The following ITGA3 variants were observed in gnomAD, a reference collection of about 807,000 sequenced individuals.
The protein encoded by ITGA3 is integrin subunit alpha 3.
A neutral mutation model predicts 131.1 loss-of-function variants in ITGA3; 70 were observed. The ratio of observed to expected loss-of-function variants is 0.53; its 90% confidence interval spans 0.44 to 0.65. The LOEUF (loss-of-function observed/expected upper bound fraction) is 0.65, where lower values mean the gene tolerates loss of function less well. Ranked by LOEUF, ITGA3 falls within the 30% of genes least tolerant of loss-of-function variation. The probability of loss-of-function intolerance (pLI) is 0.00; values close to 1 mark genes in which losing one functional copy is unlikely to be tolerated. For synonymous variants in ITGA3, 537 were observed against 571.6 expected (o/e 0.94, Z 0.86); for missense variants, 1,098 against 1,388.6 (o/e 0.79, Z 3.33).
At chr17:50,084,285 G>A (rs887160600) in intron 23 of ITGA3, among the ~76,000 whole-genome samples, 22 of 150,568 alleles carry the variant, frequency 1.5e-4, no homozygotes, top group South Asian at 2.1e-4. Context: ...CTGATGAGGT[G>A]GAGAGAAATG....
Position 50,089,101 on chromosome 17 carries a change from C to A in ITGA3, c.*32-9C>A. Reference sequence around the variant, plus strand: ...GCTAATGTTCTTTCTCTTCTCCCTCCAACTCCAGTGTGACTTCTTTAAGCG... The same window carrying A: ...GCTAATGTTCTTTCTCTTCTCCCTCAAACTCCAGTGTGACTTCTTTAAGCG... On this transcript the variant is annotated splice_polypyrimidine_tract_variant and intron_variant, in intron 25 of 25. Coordinates refer to ENST00000320031, the MANE Select transcript of ITGA3 (RefSeq NM_002204.4). 1 of 1,609,872 alleles carries A rather than the reference C, an allele frequency of 6.2e-7. No individual in the cohort carries two copies. Among genetic ancestry groups the A allele is most frequent in the Non-Finnish European group, 8.5e-7 (1 of 1,176,806 alleles).
At chr17:50,058,599 G>T (rs1907937379) in intron 1 of ITGA3, among the ~76,000 whole-genome samples, 1 of 152,220 alleles carries the variant, frequency 6.6e-6, no homozygotes, top group African/African-American at 2.4e-5. Flanking sequence ...AGCCCAGAAG[G>T]TTCTAAAGCT....
intron 22 of ITGA3, 119 bp downstream of exon 22, chr17:50,080,494 G>GTT: frequency 1.7e-6 from 1 of 604,380 alleles, no homozygotes; most frequent in Admixed American, 2.8e-5. Flanking sequence ...GTGTGTGTGT[G>GTT]TGTGTGTGTG....
Position 50,078,871 on chromosome 17 carries a change from A to G in ITGA3, c.2345A>G (p.Glu782Gly), listed in dbSNP as rs1361472135. 2 of 1,613,554 alleles carry G rather than the reference A, an allele frequency of 1.2e-6. No homozygotes were observed. Among genetic ancestry groups the G allele is most frequent in the African/African-American group, 2.7e-5 (2 of 74,892 alleles). ...QSFFGGTVMG[E>G]SGMKTVEDVG... ...TTCTTTGGGGGGACAGTGATGGGTG[A>G]GTCTGGCATGAAAACTGTGGAGGAT... is the stretch of plus-strand genomic sequence containing the variant. Residue 782 changes from glutamate to glycine, a missense_variant, in exon 19 of 26, where the codon GAG becomes GGG. This residue lies in a region of ITGA3 where 699 missense variants were observed against 829.2 expected (regional missense o/e 0.84). Coordinates refer to ENST00000320031, the MANE Select transcript of ITGA3 (RefSeq NM_002204.4).
Position 50,067,190 on chromosome 17 carries a change from T to C in ITGA3, c.415-866T>C, listed in dbSNP as rs1251520809. Among the ~76,000 whole-genome samples, 16 of 152,152 alleles carry C rather than the reference T, an allele frequency of 1.1e-4. No individual in the cohort carries two copies. In the East Asian group the frequency reaches 3.1e-3, roughly 29 times the overall value. ...AAGCTTAGCAGTGACTAAGACAGGC[T>C]CAGGTAACATGCTGGTGGAGCTCAC... On this transcript the variant is annotated intron_variant, in intron 3 of 25. Transcript: ENST00000320031.
chr17:50,075,386 T>C, intron 10 of ITGA3, 73 bp from the exon 11 acceptor site: 1 of 1,502,878 alleles, frequency 6.7e-7, no homozygotes, highest in Non-Finnish European at 9.3e-7. Flanking sequence ...TTTTGCCCAG[T>C]ACAGAGGCGA....
Position 50,088,021 on chromosome 17 carries a change from T to G in ITGA3, c.3045+152T>G, listed in dbSNP as rs9915852. ...TCCACCTTCTACCACCAGCTTACAG[T>G]CTCACCCCTGGCCTGGGTTAGTGGG... On this transcript the variant is annotated intron_variant, in intron 24 of 25. Transcript: ENST00000320031. 7.4e-3 allele frequency: 9,613 copies of G among 1,295,396 alleles called. 543 individuals carry two copies. In the African/African-American group the frequency reaches 0.12, roughly 16 times the overall value. The allele number at this position is 1,295,396 out of a possible 1,614,324, so 80.2% of individuals were successfully genotyped here.
chr17:50,063,256 C>T (rs1425660445), intron 1 of ITGA3, among the ~76,000 whole-genome samples: 1 of 152,194 alleles, frequency 6.6e-6, no homozygotes, highest in East Asian at 1.9e-4. Flanking sequence ...ACCTGCTGCC[C>T]ACCCACTGGG....
intron 21 of ITGA3, 51 bp downstream of exon 21, chr17:50,079,608 G>C: frequency 6.8e-7 from 1 of 1,462,924 alleles, no homozygotes; most frequent in Non-Finnish European, 9.0e-7. Flanking sequence ...CCATCACAGG[G>C]TGCCTGGGCA....
At chr17:50,079,732 C>T (rs1909097660) in intron 21 of ITGA3, among the ~76,000 whole-genome samples, 175 bp downstream of exon 21, 2 of 152,236 alleles carry the variant, frequency 1.3e-5, no homozygotes, top group Admixed American at 1.3e-4. Context: ...GAGGGTTCTC[C>T]ACTCTGATGG....
intron 9 of ITGA3, 76 bp from the exon 10 acceptor site, chr17:50,074,372 T>G: frequency 6.3e-7 from 1 of 1,598,878 alleles, no homozygotes; most frequent in Non-Finnish European, 8.5e-7. Context: ...GCTAGCTCCT[T>G]GGAAGCCTGG....
chr17:50,070,805 C>T (rs1439679773), intron 4 of ITGA3, 39 bp from the exon 5 acceptor site: 4 of 1,405,202 alleles, frequency 2.8e-6, no homozygotes, highest in Middle Eastern at 1.8e-4. Context: ...CCGGTGGTGA[C>T]TTATACTCCC....
In ITGA3 at chr17:50,085,493, G is replaced by A. The variant is rs560350168; in HGVS notation, c.2920-2251G>A. On this transcript the variant is annotated intron_variant, in intron 23 of 25. Coordinates refer to ENST00000320031, the MANE Select transcript of ITGA3 (RefSeq NM_002204.4). ...CAGCCTGGCCAACATGGTGAAACCC[G>A]TCTCTAGTAAAAATACAAAAATGAG... Among the ~76,000 whole-genome samples the A allele has an allele frequency of 7.6e-4, 115 of 151,652 alleles. 2 individuals carry two copies. Among genetic ancestry groups the A allele is most frequent in the African/African-American group, 2.5e-3 (105 of 41,440 alleles).
chr17:50,069,661 A>G (rs920570679), intron 4 of ITGA3, among the ~76,000 whole-genome samples: 10 of 152,186 alleles, frequency 6.6e-5, no homozygotes, highest in African/African-American at 2.4e-4. Context: ...GCAAGACCTT[A>G]TCTCAAAAAA....
intron 14 of ITGA3, 52 bp from the exon 15 acceptor site, chr17:50,076,922 G>C: frequency 6.4e-7 from 1 of 1,567,368 alleles, no homozygotes; most frequent in Non-Finnish European, 8.7e-7. Context: ...AGTTGATCCG[G>C]GAGTGCCCTG....
Position 50,056,565 on chromosome 17 carries a change from G to A in ITGA3, c.126G>A (p.Val42=). 2 of 1,577,110 alleles carry A rather than the reference G, an allele frequency of 1.3e-6. No individual in the cohort carries two copies. Among genetic ancestry groups the A allele is most frequent in the Non-Finnish European group, 1.7e-6 (2 of 1,162,406 alleles). ...ACCTGGATACCCGATTCCTGGTAGT[G>A]AAGGAGGCCGGGAACCCGGGCAGCC... ...AFNLDTRFLV[V]KEAGNPGSLF... The change falls in exon 1 of 26, where the codon GTG becomes GTA. Residue 42 remains valine (V), a synonymous_variant. Transcript: ENST00000320031. This position sits in a 1 kb window ranked among gnomAD's most constrained non-coding sequence, Gnocchi z 5.6.
chr17:50,067,419 A>G (rs886239362), intron 3 of ITGA3, among the ~76,000 whole-genome samples: 3 of 152,216 alleles, frequency 2.0e-5, no homozygotes, highest in Non-Finnish European at 2.9e-5. Flanking sequence ...TTAAGAGCTC[A>G]GATTTTGGAA....
At position 50,079,141 on chromosome 17, in the gene ITGA3, C is replaced by T. The variant is rs372839861; in HGVS notation, c.2466C>T (p.Tyr822=). ...GTLVLGLEWP[Y]EVSNGKWLLY... Reference sequence around the variant, plus strand: ...TGGTCCTAGGTCTGGAGTGGCCCTACGAAGTCAGCAATGGCAAGTGGCTGC... The same window carrying T: ...TGGTCCTAGGTCTGGAGTGGCCCTATGAAGTCAGCAATGGCAAGTGGCTGC... Residue 822 remains tyrosine, a synonymous_variant, in exon 20 of 26, where the codon TAC becomes TAT. Transcript: ENST00000320031. The T allele has an allele frequency of 7.3e-5, 118 of 1,613,738 alleles. No individual in the cohort carries two copies. Among genetic ancestry groups the T allele is most frequent in the Middle Eastern group, 1.6e-4 (1 of 6,084 alleles).
chr17:50,075,403 G>A (rs996366924), intron 10 of ITGA3, 56 bp from the exon 11 acceptor site: 19 of 1,571,470 alleles, frequency 1.2e-5, no homozygotes, highest in Non-Finnish European at 1.5e-5. Context: ...GCGAGAGCTA[G>A]GGCCTGGACG....
Sources: gnomAD v4.1 joint callset for allele counts (sites outside exome capture counted in the v4.1 genomes callset) on GRCh38, gnomAD v4.1.1 for gene constraint, gnomAD v4.1.1 regional missense constraint, Gnocchi (gnomAD v3.1) non-coding constraint, MANE v1.5 for transcripts, NCBI Gene and HGNC (gene_info 2026-07-23, HGNC 2026-07-21) for gene names.